The following OGG1 variants were observed in gnomAD, a reference collection of about 807,000 sequenced individuals.
OGG1 encodes N-glycosylase/DNA lyase.
OGG1 carries 35 observed loss-of-function variants against 42.3 expected under a neutral mutation model. That is an observed-to-expected ratio of 0.83 (90% CI 0.63 to 1.10). The LOEUF (loss-of-function observed/expected upper bound fraction) is 1.10. Among genes scored for constraint, OGG1 ranks in the 50% least tolerant of loss-of-function variants. OGG1 has a pLI of 0.00. For synonymous variants in OGG1, 189 were observed against 179.0 expected (o/e 1.06, Z -0.44); for missense variants, 484 against 446.7 (o/e 1.08, Z -0.75).
At chr3:9,765,637 T>G in intron 7 of OGG1, 1 of 1,192,168 alleles carries the variant, frequency 8.4e-7, no homozygotes, top group Non-Finnish European at 1.2e-6. Context: ...TGATCCCCAT[T>G]TTATAAAGGG....
intron 2 of OGG1, among the ~76,000 whole-genome samples, chr3:9,751,497 A>AC (rs1367660735): frequency 6.6e-6 from 1 of 152,180 alleles, no homozygotes; most frequent in Non-Finnish European, 1.5e-5. Flanking sequence ...CTGCTGTGTG[A>AC]CCGGGGATAC....
At chr3:9,788,725 A>G (rs1422135287), downstream of OGG1, among the ~76,000 whole-genome samples, 1 of 151,748 alleles carries the variant, frequency 6.6e-6, no homozygotes, top group East Asian at 1.9e-4. Flanking sequence ...TTTTTAGTAG[A>G]GACGGCGTTT....
chr3:9,780,200 C>G (rs2078426738), intron 2 of OGG1: 1 of 711,904 alleles, frequency 1.4e-6, no homozygotes, highest in Non-Finnish European at 2.3e-6. Flanking sequence ...TTGTACAGAG[C>G]TAGGCCAAAA....
chr3:9,778,974 G>A (rs1273161982), intron 2 of OGG1, among the ~76,000 whole-genome samples: 3 of 152,062 alleles, frequency 2.0e-5, no homozygotes, highest in Admixed American at 6.6e-5. Flanking sequence ...TCTCTCCTGC[G>A]TGGACCTCAA....
At chr3:9,789,565 C>T, downstream of OGG1, 2 of 1,614,200 alleles carry the variant, frequency 1.2e-6, no homozygotes, top group South Asian at 2.2e-5. Flanking sequence ...AGTGTGCGGA[C>T]CTCCTCGCTG....
At chr3:9,781,119 G>T (rs1372124027) in intron 2 of OGG1, among the ~76,000 whole-genome samples, 1 of 151,716 alleles carries the variant, frequency 6.6e-6, no homozygotes, top group Non-Finnish European at 1.5e-5. Flanking sequence ...AACAGAGCGT[G>T]ACTGTGTCTT....
At chr3:9,790,856 C>T (rs1022498091), downstream of OGG1, among the ~76,000 whole-genome samples, 14 of 152,182 alleles carry the variant, frequency 9.2e-5, no homozygotes, top group African/African-American at 3.1e-4. Context: ...GCGCTTATGC[C>T]AGGATTCAAA....
At chr3:9,769,618 C>G (rs139960528), downstream of OGG1, among the ~76,000 whole-genome samples, 2,047 of 152,318 alleles carry the variant, frequency 0.013, 25 homozygotes, top group Middle Eastern at 0.038. Flanking sequence ...CACAGGCCCC[C>G]TTCTCTATTA....
chr3:9,750,557 G>A (rs2077253088), intron 1 of OGG1, 134 bp downstream of exon 1: 6 of 1,237,672 alleles, frequency 4.8e-6, no homozygotes, highest in African/African-American at 3.0e-5. Flanking sequence ...ACAAGCACGG[G>A]TAGCCAACCT....
chr3:9,773,637 T>TA (rs1002086596), intron 2 of OGG1, among the ~76,000 whole-genome samples: 1 of 151,522 alleles, frequency 6.6e-6, no homozygotes, highest in Non-Finnish European at 1.5e-5. Flanking sequence ...CTTCTTTTTT[T>TA]TTTTTTTGAA....
intron 2 of OGG1, among the ~76,000 whole-genome samples, 164 bp downstream of exon 2, chr3:9,751,356 T>C (rs895060555): frequency 2.0e-5 from 3 of 152,218 alleles, no homozygotes; most frequent in Admixed American, 2.0e-4. Flanking sequence ...GCCAGGCACA[T>C]AGTAAGTATT....
chr3:9,759,296 CCT>C (rs767669718), downstream of OGG1: 53 of 1,604,962 alleles, frequency 3.3e-5, no homozygotes, highest in Admixed American at 6.7e-5. Flanking sequence ...GGTGAGGGAC[CCT>C]CTCTGGAATA....
intron 7 of OGG1, chr3:9,763,249 G>A (rs199781889): frequency 6.2e-7 from 1 of 1,613,006 alleles, no homozygotes; most frequent in African/African-American, 1.3e-5. Flanking sequence ...GCCAGGCATG[G>A]CGGTGTGCAC....
chr3:9,783,560 G>A lies in OGG1; in HGVS notation c.382+1960G>A, dbSNP rs183146334. On this transcript the variant is annotated intron_variant, in intron 3 of 3. Coordinates refer to the OGG1 transcript ENST00000426518. ...TGGGAGGCCGAGGCGGGTGGATCAC[G>A]AGGTCAGGAGATCGAGACCATCCTG... 2.2e-4 allele frequency: 34 copies of A among 152,732 alleles called. No individual in the cohort carries two copies. The East Asian group carries it at 4.4e-3, about 20-fold the overall frequency. The allele number at this position is 152,732 out of a possible 1,614,324, so 9.5% of individuals were successfully genotyped here.
At chr3:9,782,895 G>A (rs375688414) in intron 3 of OGG1, among the ~76,000 whole-genome samples, 47 of 152,068 alleles carry the variant, frequency 3.1e-4, no homozygotes, top group African/African-American at 1.0e-3. Flanking sequence ...AGACTTGTTC[G>A]GGTTGCTTCC....
chr3:9,776,712 G>A (rs1033468216), intron 2 of OGG1, among the ~76,000 whole-genome samples: 1 of 152,054 alleles, frequency 6.6e-6, no homozygotes, highest in Non-Finnish European at 1.5e-5. Flanking sequence ...TTGCTCTTGC[G>A]GCCTAGTGTT....
intron 7 of OGG1, chr3:9,763,332 G>T: frequency 1.6e-6 from 2 of 1,277,844 alleles, no homozygotes; most frequent in Non-Finnish European, 1.1e-6. Context: ...GTTCAAAGCT[G>T]CAGTCTGTTA....
downstream of OGG1, chr3:9,759,575 C>T: frequency 6.2e-7 from 1 of 1,614,182 alleles, no homozygotes; most frequent in East Asian, 2.2e-5. Context: ...CTCCTGCAAT[C>T]CTAGGATGGG....
chr3:9,777,739 T>A (rs1449223458), intron 2 of OGG1, among the ~76,000 whole-genome samples: 1 of 152,166 alleles, frequency 6.6e-6, no homozygotes, highest in Non-Finnish European at 1.5e-5. Context: ...CCATCCAATT[T>A]TGGGATGTCA....
Sources: gnomAD v4.1 joint callset for allele counts (sites outside exome capture counted in the v4.1 genomes callset) on GRCh38, gnomAD v4.1.1 for gene constraint, MANE v1.5 for transcripts, NCBI Gene and HGNC (gene_info 2026-07-23, HGNC 2026-07-21) for gene names.